Variants in SHMT1 observed in about 807,000 individuals in gnomAD.
The protein encoded by SHMT1 is serine hydroxymethyltransferase 1, also known as serine hydroxymethyltransferase, cytosolic.
In SHMT1, 45 loss-of-function variants were observed where a neutral mutation model predicts 49.0. The ratio of observed to expected loss-of-function variants is 0.92; its 90% CI spans 0.72 to 1.18. The LOEUF is 1.18. Ranked by LOEUF, SHMT1 falls within the 50% of genes most tolerant of loss-of-function variation. SHMT1 has a pLI of 0.00. For synonymous variants in SHMT1, 232 were observed against 246.6 expected (o/e 0.94, Z 0.55); for missense variants, 541 against 612.4 (o/e 0.88, Z 1.23).
At position 18,355,964 on chromosome 17, in the gene SHMT1, G is replaced by A. The variant is rs145457138; in HGVS notation, c.18C>T (p.Asn6=). 79 of 1,613,528 alleles carry A rather than the reference G, an allele frequency of 4.9e-5. No individual in the cohort carries two copies. Among genetic ancestry groups the A allele is most frequent in the South Asian group, 8.8e-5 (8 of 91,068 alleles). The part of the protein sequence containing the change: MTMPV[N]GAHKDADLWS... ...ACAGGTCAGCATCCTTGTGGGCCCC[G>A]TTGACTGGCATCGTCATTGCACTGG... Residue 6 remains asparagine, a synonymous_variant, in exon 2 of 12, where the codon AAC becomes AAT. Transcript: ENST00000316694.
At chr17:18,363,079 T>C (rs538862594) in intron 1 of SHMT1, 1 of 152,228 alleles carries the variant, frequency 6.6e-6, no homozygotes, top group Non-Finnish European at 1.5e-5. Flanking sequence ...ACGAGAAAAG[T>C]GTTCAGTGGA....
intron 3 of SHMT1, among the ~76,000 whole-genome samples, chr17:18,348,834 C>T (rs968508644): frequency 1.3e-5 from 2 of 151,544 alleles, no homozygotes; most frequent in African/African-American, 4.9e-5. Context: ...AAAAATTAGC[C>T]AGGTGTTGTG....
chr17:18,329,030 G>T, intron 11 of SHMT1, 111 bp from the exon 12 acceptor site: 1 of 1,369,072 alleles, frequency 7.3e-7, no homozygotes, highest in Non-Finnish European at 1.0e-6. Flanking sequence ...GAGTGTGGCA[G>T]GGCACAAGGT....
intron 3 of SHMT1, chr17:18,348,656 T>A: frequency 1.5e-6 from 1 of 673,542 alleles, no homozygotes; most frequent in Non-Finnish European, 2.8e-6. Flanking sequence ...CTGTGCAACT[T>A]GGAGCAAATA....
chr17:18,340,927 G>A lies in SHMT1; in HGVS notation c.520-114C>T. ...TGACAAGAGGAATGATGTCCTAGAT[G>A]AGGACTTGAGGGTGAGACAGGATGG... is the stretch of plus-strand genomic sequence containing the variant. On this transcript the variant is annotated intron_variant, in intron 5 of 11. Transcript: ENST00000316694. The surrounding 1 kb of genome is among the most constrained non-coding windows in gnomAD (Gnocchi z 4.5). 1.3e-6 allele frequency: 1 copy of A among 772,334 alleles called. No individual in the cohort carries two copies. The highest frequency in any genetic ancestry group is 2.3e-6 in the Non-Finnish European group (1 of 443,536). 47.8% of individuals were successfully genotyped at this position (772,334 alleles called of 1,614,324 possible).
intron 7 of SHMT1, 92 bp downstream of exon 7, chr17:18,339,949 CAG>C (rs1399157241): frequency 8.1e-7 from 1 of 1,241,482 alleles, no homozygotes; most frequent in Non-Finnish European, 1.2e-6. Flanking sequence ...GATCCCAGGT[CAG>C]AGTTTTTCCC....
intron 1 of SHMT1, among the ~76,000 whole-genome samples, chr17:18,360,949 C>T (rs1489600766): frequency 6.6e-6 from 1 of 152,038 alleles, no homozygotes; most frequent in African/African-American, 2.4e-5. Flanking sequence ...GTGGGTGGAT[C>T]ACTTGAGGTC....
intron 9 of SHMT1, chr17:18,330,968 GC>G: frequency 2.3e-6 from 1 of 428,038 alleles, no homozygotes; most frequent in South Asian, 2.0e-5. Flanking sequence ...CTGACAAGTT[GC>G]TTGGGCAATT....
chr17:18,353,544 C>T (rs1030776414), intron 3 of SHMT1, 128 bp downstream of exon 3: 17 of 948,804 alleles, frequency 1.8e-5, no homozygotes, highest in African/African-American at 4.8e-5. Flanking sequence ...AGAGAGCAGG[C>T]GTGGAACAGA....
chr17:18,354,527 T>C lies in SHMT1; in HGVS notation c.97-710A>G, dbSNP rs561958696. ...AGGAGAATCGCTTGAACCTGGGAGG[T>C]GGAGGATTCAGTGAGCCGAGATCGC... On this transcript the variant is annotated intron_variant, in intron 2 of 11. Transcript: ENST00000316694. Among the ~76,000 whole-genome samples, 9 of 150,080 alleles carry C rather than the reference T, an allele frequency of 6.0e-5. No homozygotes were observed. The South Asian group carries it at 1.1e-3, about 18-fold the overall frequency.
At chr17:18,353,509 A>T in intron 3 of SHMT1, 163 bp downstream of exon 3, 1 of 805,520 alleles carries the variant, frequency 1.2e-6, no homozygotes. Flanking sequence ...GTGTTATCAC[A>T]TGCTGGGAAT....
chr17:18,330,469 G>T (rs1428512317), intron 10 of SHMT1, 86 bp downstream of exon 10: 2 of 1,000,102 alleles, frequency 2.0e-6, no homozygotes, highest in Non-Finnish European at 3.2e-6. Context: ...TCTGTCCCCG[G>T]AGCCAATATA....
Position 18,340,059 on chromosome 17 carries a change from CA to C in SHMT1, c.797del (p.Met266ArgfsTer8). 1 of 1,613,770 alleles carries C rather than the reference CA, an allele frequency of 6.2e-7. No homozygotes were observed. Among genetic ancestry groups the C allele is most frequent in the Non-Finnish European group, 8.5e-7 (1 of 1,180,036 alleles). ...GGAGCTCACCTTTCCTGTAGAAGAT[CA>C]TGCCAGCTCGGCAGCCTCGCAGGGT... ...HKTLRGCRAG[M>X]IFYRKGVKSV... is the part of the protein sequence containing the mutation. On this transcript the variant is annotated frameshift_variant, in exon 7 of 12. Coordinates refer to ENST00000316694, the MANE Select transcript of SHMT1 (RefSeq NM_004169.5). LOFTEE classifies it high-confidence loss of function. This position sits in a 1 kb window ranked among gnomAD's most constrained non-coding sequence, Gnocchi z 4.5.
chr17:18,344,215 C>G (rs1984834790), intron 5 of SHMT1, among the ~76,000 whole-genome samples: 1 of 152,150 alleles, frequency 6.6e-6, no homozygotes, highest in Non-Finnish European at 1.5e-5. Flanking sequence ...CACAAGGTTT[C>G]GGGAACCAAG....
intron 5 of SHMT1, among the ~76,000 whole-genome samples, chr17:18,347,118 G>A (rs957811502): frequency 2.0e-5 from 3 of 152,222 alleles, no homozygotes; most frequent in African/African-American, 4.8e-5. Context: ...CAGGGGCTCC[G>A]AGCAGAGATG....
At chr17:18,358,924 T>C (rs182365062) in intron 1 of SHMT1, among the ~76,000 whole-genome samples, 3 of 151,396 alleles carry the variant, frequency 2.0e-5, no homozygotes, top group African/African-American at 7.3e-5. Flanking sequence ...TTCTTTTAAA[T>C]AAAAAAAGGA....
chr17:18,362,425 A>G (rs1244984828), intron 1 of SHMT1, among the ~76,000 whole-genome samples: 6 of 151,804 alleles, frequency 4.0e-5, no homozygotes, highest in Admixed American at 3.3e-4. Flanking sequence ...GGTTCAAGCG[A>G]TTCTCCTGCC....
chr17:18,352,328 A>T (rs1985805491), intron 3 of SHMT1, among the ~76,000 whole-genome samples: 1 of 151,750 alleles, frequency 6.6e-6, no homozygotes, highest in African/African-American at 2.4e-5. Flanking sequence ...TTGTATTTTT[A>T]GTAGAGACGG....
chr17:18,330,505 A>G (rs757499938), intron 10 of SHMT1, 50 bp downstream of exon 10: 1 of 1,309,378 alleles, frequency 7.6e-7, no homozygotes, highest in African/African-American at 1.4e-5. Context: ...TTTGGCCAGA[A>G]GAAATGCAGA....
Sources: allele counts gnomAD v4.1 joint callset (sites outside exome capture counted in the v4.1 genomes callset), GRCh38; gene constraint gnomAD v4.1.1; non-coding constraint Gnocchi (gnomAD v3.1); transcripts MANE v1.5; gene names NCBI Gene and HGNC (gene_info 2026-07-23, HGNC 2026-07-21).